CA10: variants seen among roughly 807,000 people sequenced by gnomAD.
CA10 encodes carbonic anhydrase 10 (inactive), also known as carbonic anhydrase-related protein 10.
In CA10, 14 loss-of-function variants were observed where a neutral mutation model predicts 44.2. The observed-to-expected ratio is 0.32, with a 90% CI of 0.21 to 0.50. The LOEUF (loss-of-function observed/expected upper bound fraction) is 0.50. CA10 is among the 20% of genes least tolerant of loss of function. CA10 has a pLI of 0.99. For missense variants in CA10, 350 were observed against 409.7 expected, an observed-to-expected ratio of 0.85 and a Z score of 1.26; for synonymous variants, 159 against 141.6, an observed-to-expected ratio of 1.12 and a Z score of -0.87.
At chr17:51,928,406 G>T (rs1343426058) in intron 3 of CA10, among the ~76,000 whole-genome samples, 1 of 152,080 alleles carries the variant, frequency 6.6e-6, no homozygotes, top group Non-Finnish European at 1.5e-5. Flanking sequence ...TTGTACTGAG[G>T]TTGAATTTTA....
chr17:51,822,415 A>T (rs1462651789), intron 3 of CA10, among the ~76,000 whole-genome samples: 7 of 134,374 alleles, frequency 5.2e-5, no homozygotes, highest in Non-Finnish European at 7.8e-5. Flanking sequence ...ACTTTGTCTC[A>T]AAAAAACAAA....
intron 3 of CA10, among the ~76,000 whole-genome samples, chr17:51,789,232 T>C (rs1906414626): frequency 6.6e-6 from 1 of 152,130 alleles, no homozygotes; most frequent in Non-Finnish European, 1.5e-5. Flanking sequence ...GTCAGGCTGG[T>C]CTCGAACTTA....
intron 3 of CA10, among the ~76,000 whole-genome samples, chr17:51,846,870 G>A (rs1256459140): frequency 6.6e-6 from 1 of 152,204 alleles, no homozygotes; most frequent in Non-Finnish European, 1.5e-5. Flanking sequence ...CCCTAAAATG[G>A]TTAGGAAGCC....
At chr17:51,774,080 G>A (rs927111531) in intron 3 of CA10, among the ~76,000 whole-genome samples, 2 of 152,152 alleles carry the variant, frequency 1.3e-5, no homozygotes, top group Non-Finnish European at 2.9e-5. Context: ...TATTAATTTG[G>A]TATAGGGCTG....
At chr17:52,061,169 T>TA (rs1450035295) in intron 2 of CA10, among the ~76,000 whole-genome samples, 1 of 152,162 alleles carries the variant, frequency 6.6e-6, no homozygotes, top group African/African-American at 2.4e-5. Context: ...TCAAGGATCT[T>TA]ACGATGGGGA....
chr17:51,739,739 G>C (rs1490469718), intron 4 of CA10, among the ~76,000 whole-genome samples: 1 of 152,140 alleles, frequency 6.6e-6, no homozygotes, highest in Non-Finnish European at 1.5e-5. Context: ...CCTTAGATCA[G>C]AGTCATCATA....
intron 1 of CA10, among the ~76,000 whole-genome samples, chr17:52,080,304 T>C (rs1020369735): frequency 6.6e-6 from 1 of 151,858 alleles, no homozygotes; most frequent in Non-Finnish European, 1.5e-5. Flanking sequence ...TACAAAAAAT[T>C]AGCTGGGCTT....
chr17:52,056,783 A>T (rs1036825987), intron 2 of CA10, among the ~76,000 whole-genome samples: 1 of 152,056 alleles, frequency 6.6e-6, no homozygotes, highest in Non-Finnish European at 1.5e-5. Flanking sequence ...ACCCTTACAA[A>T]GTATCAACAG....
intron 2 of CA10, among the ~76,000 whole-genome samples, chr17:51,980,853 T>C (rs1224772207): frequency 6.6e-6 from 1 of 152,046 alleles, no homozygotes; most frequent in Non-Finnish European, 1.5e-5. Context: ...TTTCTCGACT[T>C]TCTCTTCCGT....
chr17:51,941,287 A>G (rs1440041880), intron 2 of CA10, among the ~76,000 whole-genome samples: 1 of 152,148 alleles, frequency 6.6e-6, no homozygotes, highest in Admixed American at 6.6e-5. Context: ...AGCCTCCTGA[A>G]TCAGGTGACT....
At chr17:51,948,261 T>C (rs1029123052) in intron 2 of CA10, among the ~76,000 whole-genome samples, 16 of 152,156 alleles carry the variant, frequency 1.1e-4, no homozygotes, top group Admixed American at 3.9e-4. Flanking sequence ...TGTCAGCTCA[T>C]TCCTGCAGGC....
chr17:51,768,090 C>T lies in CA10; in HGVS notation c.280-20272G>A, dbSNP rs1284655392. ...TCAGTTTTAACCTGATTATTTGCCA[C>T]AATTTCCTTCGGGAAAAGTTCGGGG... On this transcript the variant is annotated intron_variant, in intron 3 of 8. Transcript: ENST00000451037. Among the ~76,000 whole-genome samples, 2 of 152,018 alleles carry T rather than the reference C, an allele frequency of 1.3e-5. 1 individual carries two copies. Among genetic ancestry groups the T allele is most frequent in the South Asian group, 4.2e-4 (2 of 4,814 alleles).
At chr17:52,086,226 T>A (rs1405833734) in intron 1 of CA10, among the ~76,000 whole-genome samples, 1 of 152,216 alleles carries the variant, frequency 6.6e-6, no homozygotes, top group South Asian at 2.1e-4. Flanking sequence ...AATGCTAGTT[T>A]ACCTGCGAGA....
chr17:51,943,660 A>G (rs879916460), intron 2 of CA10, among the ~76,000 whole-genome samples: 3 of 152,128 alleles, frequency 2.0e-5, no homozygotes, highest in Admixed American at 6.5e-5. Flanking sequence ...TGGGACTCAA[A>G]CCAGAGACTC....
chr17:52,007,143 A>G (rs1369936153), intron 2 of CA10, among the ~76,000 whole-genome samples: 1 of 151,718 alleles, frequency 6.6e-6, no homozygotes, highest in African/African-American at 2.4e-5. Flanking sequence ...CCCTTCTAAC[A>G]GTTTGGCTGG....
intron 3 of CA10, among the ~76,000 whole-genome samples, chr17:51,875,119 G>A (rs1598094019): frequency 6.6e-6 from 1 of 151,990 alleles, no homozygotes; most frequent in African/African-American, 2.4e-5. Flanking sequence ...GACTACAGGT[G>A]TAAGACACCA....
intron 3 of CA10, among the ~76,000 whole-genome samples, chr17:51,797,968 C>G (rs1486230609): frequency 2.0e-5 from 3 of 152,140 alleles, no homozygotes; most frequent in Non-Finnish European, 4.4e-5. Context: ...ATATCCACCC[C>G]TCCCTGTAGT....
intron 2 of CA10, among the ~76,000 whole-genome samples, chr17:51,970,444 G>T (rs1053783438): frequency 6.6e-6 from 1 of 151,976 alleles, no homozygotes; most frequent in Non-Finnish European, 1.5e-5. Flanking sequence ...TCTAAAAATC[G>T]GAATTAAAAG....
chr17:52,101,587 C>T (rs1381032134), intron 1 of CA10, among the ~76,000 whole-genome samples: 1 of 152,072 alleles, frequency 6.6e-6, no homozygotes, highest in Non-Finnish European at 1.5e-5. Flanking sequence ...TTGACCAATC[C>T]ACATGTCTTG....
Sources: allele counts gnomAD v4.1 joint callset (sites outside exome capture counted in the v4.1 genomes callset), GRCh38; gene constraint gnomAD v4.1.1; transcripts MANE v1.5; gene names NCBI Gene and HGNC (gene_info 2026-07-23, HGNC 2026-07-21).